GLYATL2: variants seen among roughly 807,000 people sequenced by gnomAD.
GLYATL2 encodes the protein glycine-N-acyltransferase like 2, also known as glycine N-acyltransferase-like protein 2.
Under a neutral mutation model 21.4 loss-of-function variants are expected in GLYATL2, and 25 were observed. The ratio of observed to expected loss-of-function variants is 1.17; its 90% CI spans 0.85 to 1.63. The LOEUF (loss-of-function observed/expected upper bound fraction) is 1.63, where lower values mean the gene tolerates loss of function less well. GLYATL2 is among the 40% of genes most tolerant of loss of function. The probability of loss-of-function intolerance (pLI) is 0.00; values close to 1 mark genes in which losing one functional copy is unlikely to be tolerated. For synonymous variants in GLYATL2, 114 were observed against 118.2 expected (o/e 0.96, Z 0.23); for missense variants, 361 against 343.3 (o/e 1.05, Z -0.41).
At chr11:58,857,100 C>T (rs1462931794) in intron 1 of GLYATL2, among the ~76,000 whole-genome samples, 1 of 152,156 alleles carries the variant, frequency 6.6e-6, no homozygotes, top group Non-Finnish European at 1.5e-5. Context: ...AATCTCTGTA[C>T]TGTTTTGCAT....
chr11:58,881,751 C>T (rs528523759), intron 1 of GLYATL2, among the ~76,000 whole-genome samples: 4 of 152,266 alleles, frequency 2.6e-5, no homozygotes, highest in South Asian at 2.1e-4. Flanking sequence ...CTCCACCCCA[C>T]GACAGGCCCC....
intron 1 of GLYATL2, among the ~76,000 whole-genome samples, chr11:58,872,442 A>G (rs1233758634): frequency 2.0e-5 from 3 of 152,182 alleles, no homozygotes; most frequent in Non-Finnish European, 2.9e-5. Flanking sequence ...TCTTTAATCC[A>G]TCTTGAATTG....
At chr11:58,835,566 G>A (rs767040859) in intron 5 of GLYATL2, among the ~76,000 whole-genome samples, 22 of 152,178 alleles carry the variant, frequency 1.4e-4, no homozygotes, top group Non-Finnish European at 2.9e-5. Context: ...CCCCTCTCCA[G>A]GGAGAAAGAG....
At chr11:58,860,745 A>G (rs146761505) in intron 1 of GLYATL2, among the ~76,000 whole-genome samples, 1 of 152,118 alleles carries the variant, frequency 6.6e-6, no homozygotes, top group African/African-American at 2.4e-5. Flanking sequence ...TTTATCATAT[A>G]TTGTCTTTAT....
chr11:58,909,340 T>C, the GLYATL2 span, among the ~76,000 whole-genome samples: 1 of 152,176 alleles, frequency 6.6e-6, no homozygotes, highest in African/African-American at 2.4e-5. Context: ...TAGTTAACAA[T>C]ATTGTATACT....
intron 1 of GLYATL2, among the ~76,000 whole-genome samples, chr11:58,880,802 G>A (rs1854319773): frequency 6.6e-6 from 1 of 152,180 alleles, no homozygotes; most frequent in South Asian, 2.1e-4. Context: ...GCAAAAGGAT[G>A]CCTTTGTTTA....
intron 1 of GLYATL2, among the ~76,000 whole-genome samples, chr11:58,877,099 A>G (rs1282725591): frequency 6.6e-6 from 1 of 152,236 alleles, no homozygotes; most frequent in East Asian, 1.9e-4. Flanking sequence ...TGTGCAGGAT[A>G]TAATCTCCTG....
chr11:58,882,682 C>T (rs1198380266), intron 1 of GLYATL2, among the ~76,000 whole-genome samples: 2 of 152,142 alleles, frequency 1.3e-5, no homozygotes, highest in Non-Finnish European at 2.9e-5. Context: ...ATGGTACTGC[C>T]TAGGTTTTCT....
At chr11:58,845,713 C>T (rs1260330247), upstream of GLYATL2, among the ~76,000 whole-genome samples, 1 of 152,076 alleles carries the variant, frequency 6.6e-6, no homozygotes. Context: ...GAAGCTGTTG[C>T]TGAGAAAAAA....
At chr11:58,905,795 G>C, upstream of GLYATL2, 1 of 384,630 alleles carries the variant, frequency 2.6e-6, no homozygotes, top group Non-Finnish European at 5.3e-6. Flanking sequence ...TGACCCGCCC[G>C]CGAGCGCGTG....
intron 1 of GLYATL2, among the ~76,000 whole-genome samples, chr11:58,859,668 G>A (rs1347835742): frequency 1.3e-5 from 2 of 152,048 alleles, no homozygotes; most frequent in Non-Finnish European, 2.9e-5. Context: ...TGTGCTTTAG[G>A]AATTCCATCC....
At chr11:58,841,808 C>T (rs933039511) in intron 1 of GLYATL2, among the ~76,000 whole-genome samples, 1 of 152,120 alleles carries the variant, frequency 6.6e-6, no homozygotes, top group African/African-American at 2.4e-5. Context: ...CCAAAGCAGT[C>T]AAAGGCTGCT....
chr11:58,897,827 A>C (rs890780077), intron 1 of GLYATL2, among the ~76,000 whole-genome samples: 5 of 152,234 alleles, frequency 3.3e-5, no homozygotes, highest in Non-Finnish European at 5.9e-5. Flanking sequence ...GTTGCTTGGA[A>C]AATATATTGA....
intron 1 of GLYATL2, among the ~76,000 whole-genome samples, chr11:58,900,903 T>TAATGGATATC (rs5792140): frequency 6.6e-6 from 1 of 151,618 alleles, no homozygotes; most frequent in Non-Finnish European, 1.5e-5. Flanking sequence ...CCATTGGCCT[T>TAATGGATATC]AATCTTCACC....
At chr11:58,885,547 C>T (rs1590747480) in intron 1 of GLYATL2, 2 of 443,908 alleles carry the variant, frequency 4.5e-6, no homozygotes, top group East Asian at 1.2e-4. Flanking sequence ...AACAGGTAGG[C>T]ACACAAACAG....
At chr11:58,838,482 C>G in intron 2 of GLYATL2, 114 bp from the exon 3 acceptor site, 1 of 636,906 alleles carries the variant, frequency 1.6e-6, no homozygotes, top group Non-Finnish European at 2.7e-6. Context: ...TATAGGAGGA[C>G]TTAGGATGGG....
intron 1 of GLYATL2, among the ~76,000 whole-genome samples, chr11:58,899,032 T>C (rs932015462): frequency 6.6e-5 from 10 of 152,148 alleles, no homozygotes; most frequent in Non-Finnish European, 2.9e-5. Flanking sequence ...CATTTTAGGA[T>C]GACCAAATTT....
rs757932016 is a variant in GLYATL2 at position 58,838,332 on chromosome 11, G to C, written c.115C>G (p.Pro39Ala). ...GAIFNIKDKNPFNMEVLVDAW... is the reference protein window; with the variant it reads ...GAIFNIKDKNAFNMEVLVDAW... ...TCTACCAGCACCTCCATGTTGAAAGGGTTTTTATCTTTTATGTTGAAAATG... is the reference window on the plus strand; with the variant it reads ...TCTACCAGCACCTCCATGTTGAAAGCGTTTTTATCTTTTATGTTGAAAATG... Residue 39 changes from proline (P) to alanine (A), a missense_variant, in exon 3 of 6, where the codon CCT (proline) becomes GCT (alanine). Physicochemically the swap from Pro to Ala is conservative, Grantham distance 27. Transcript: ENST00000287275. 1.2e-6 allele frequency: 2 copies of C among 1,613,086 alleles called. No homozygotes were observed. Among genetic ancestry groups the C allele is most frequent in the Non-Finnish European group, 1.7e-6 (2 of 1,179,308 alleles).
At chr11:58,873,945 T>C (rs1854175313) in intron 1 of GLYATL2, among the ~76,000 whole-genome samples, 1 of 152,208 alleles carries the variant, frequency 6.6e-6, no homozygotes, top group African/African-American at 2.4e-5. Flanking sequence ...AAGCTATTAA[T>C]TATTGCCTCA....
Sources: allele counts gnomAD v4.1 joint callset (sites outside exome capture counted in the v4.1 genomes callset), GRCh38; gene constraint gnomAD v4.1.1; transcripts MANE v1.5; gene names NCBI Gene and HGNC (gene_info 2026-07-23, HGNC 2026-07-21).